Variants in AARS1 observed in about 807,000 individuals in gnomAD.
AARS1 encodes the protein alanine--tRNA ligase, cytoplasmic.
A neutral mutation model predicts 108.9 loss-of-function variants in AARS1; 72 were observed. The ratio of observed to expected loss-of-function variants is 0.66; its 90% CI spans 0.55 to 0.80. The LOEUF is 0.80. AARS1 is among the 30% of genes least tolerant of loss of function. AARS1 has a pLI of 0.00. For synonymous variants in AARS1, 489 were observed against 465.7 expected (o/e 1.05, Z -0.64); for missense variants, 1,193 against 1,233.2 (o/e 0.97, Z 0.49).
At chr16:70,279,670 C>CAAAAA (rs367753826) in intron 2 of AARS1, among the ~76,000 whole-genome samples, 1 of 114,582 alleles carries the variant, frequency 8.7e-6, no homozygotes, top group Non-Finnish European at 1.8e-5. Context: ...CAAAAAAAAA[C>CAAAAA]AAAAAAAAAA....
chr16:70,273,093 C>T (rs1479406778), intron 4 of AARS1, among the ~76,000 whole-genome samples: 3 of 151,716 alleles, frequency 2.0e-5, no homozygotes, highest in Non-Finnish European at 4.4e-5. Flanking sequence ...CAGAGTCAAC[C>T]GAATAGGAGT....
chr16:70,270,886 C>T (rs1487130976), intron 5 of AARS1, among the ~76,000 whole-genome samples: 3 of 137,114 alleles, frequency 2.2e-5, no homozygotes, highest in Non-Finnish European at 4.6e-5. Flanking sequence ...TGGTGGCTCA[C>T]GCCTGTAATA....
chr16:70,253,213 C>T (rs1193521389), intron 20 of AARS1, 55 bp downstream of exon 20: 1 of 1,451,880 alleles, frequency 6.9e-7, no homozygotes, highest in African/African-American at 1.4e-5. Flanking sequence ...ACACACAGGC[C>T]TCAGCCAACA....
At position 70,258,040 on chromosome 16, in the gene AARS1, C is replaced by T; in HGVS notation, c.2170G>A (p.Gly724Arg). The T allele has an allele frequency of 6.2e-7, 1 of 1,614,108 alleles. No individual in the cohort carries two copies. The highest frequency in any genetic ancestry group is 8.5e-7 in the Non-Finnish European group (1 of 1,180,018). Residue 724 changes from glycine (G) to arginine (R), a missense_variant, in exon 15 of 21, where the codon GGG (glycine) becomes AGG (arginine). Transcript: ENST00000261772. ...CCCCTCTGCAGTACTCACGTTCCCCCACAGAACTCAACAGAAGTCAGGGAG... is the reference window on the plus strand; with the variant it reads ...CCCCTCTGCAGTACTCACGTTCCCCTACAGAACTCAACAGAAGTCAGGGAG... ...AGSLTSVEFCGGTHLRNSSHA... is the reference protein window; with the variant it reads ...AGSLTSVEFCRGTHLRNSSHA...
chr16:70,271,738 T>C (rs775486583), intron 5 of AARS1, 43 bp downstream of exon 5: 20 of 1,601,102 alleles, frequency 1.2e-5, no homozygotes, highest in Non-Finnish European at 1.5e-5. Flanking sequence ...CCTCCTCCCC[T>C]GCTCAGCTCA....
Position 70,252,616 on chromosome 16 carries a change from G to C in AARS1, c.*105C>G. ...CCAAGTGTGTTCCAGTTACTGCTGG[G>C]TTAGGAGGGGCTCTTTAAAGGTCCC... is the stretch of plus-strand genomic sequence containing the variant. On this transcript the variant is annotated 3_prime_UTR_variant, in exon 21 of 21. Coordinates refer to ENST00000261772, the MANE Select transcript of AARS1 (RefSeq NM_001605.3). 1 of 1,312,094 alleles carries C rather than the reference G, an allele frequency of 7.6e-7. No individual in the cohort carries two copies. Among genetic ancestry groups the C allele is most frequent in the Non-Finnish European group, 1.1e-6 (1 of 918,764 alleles). The allele number at this position is 1,312,094 out of a possible 1,614,324, so 81.3% of individuals were successfully genotyped here.
chr16:70,266,340 T>TA (rs1960262493), intron 9 of AARS1, among the ~76,000 whole-genome samples: 1 of 124,924 alleles, frequency 8.0e-6, no homozygotes, highest in Non-Finnish European at 1.7e-5. Flanking sequence ...AAAAAATAAA[T>TA]AAAAAAATTG....
At position 70,253,265 on chromosome 16, in the gene AARS1, G is replaced by C. The variant is rs1318032456; in HGVS notation, c.2721+3C>G. ...CTTCCCACTGGTGCGAGGTGGTGCTGACCTGGGGAACTTGACACAGGCACG... is the reference window on the plus strand; with the variant it reads ...CTTCCCACTGGTGCGAGGTGGTGCTCACCTGGGGAACTTGACACAGGCACG... On this transcript the variant is annotated splice_donor_region_variant and intron_variant, in intron 20 of 20. Coordinates refer to ENST00000261772, the MANE Select transcript of AARS1 (RefSeq NM_001605.3). 1.2e-6 allele frequency: 2 copies of C among 1,607,628 alleles called. No individual in the cohort carries two copies. The highest frequency in any genetic ancestry group is 2.7e-5 in the African/African-American group (2 of 74,782).
intron 20 of AARS1, 57 bp from the exon 21 acceptor site, chr16:70,252,963 T>G (rs1420382629): frequency 4.5e-6 from 7 of 1,570,798 alleles, no homozygotes; most frequent in Admixed American, 3.3e-5. Context: ...GAGGGAGGAA[T>G]GCAGGGAAAG....
At chr16:70,262,570 C>T in intron 11 of AARS1, 46 bp from the exon 12 acceptor site, 2 of 1,556,182 alleles carry the variant, frequency 1.3e-6, no homozygotes, top group Non-Finnish European at 1.8e-6. Context: ...GGTCAATGAC[C>T]TTTTCACTCC....
rs748417640 is a variant in AARS1, at chr16:70,261,030, G to A, written c.1785+14C>T. On this transcript the variant is annotated intron_variant, in intron 13 of 20. Coordinates refer to ENST00000261772, the MANE Select transcript of AARS1 (RefSeq NM_001605.3). ...CTAACCAGATCCAATGGGGGCCACA[G>A]TAACCCAACTCACCTCATCAATAAA... is the stretch of plus-strand genomic sequence containing the variant. 6.3e-7 allele frequency: 1 copy of A among 1,596,934 alleles called. No homozygotes were observed. The highest frequency in any genetic ancestry group is 8.6e-7 in the Non-Finnish European group (1 of 1,164,850).
At chr16:70,265,861 CTGTTTTGTTT>C (rs973549881) in intron 9 of AARS1, among the ~76,000 whole-genome samples, 199 bp from the exon 10 acceptor site, 1 of 152,228 alleles carries the variant, frequency 6.6e-6, no homozygotes, top group Non-Finnish European at 1.5e-5. Context: ...TGATACAATT[CTGTTTTGTTT>C]TGTTTTGTTT....
intron 1 of AARS1, among the ~76,000 whole-genome samples, chr16:70,288,175 T>C (rs942409405): frequency 4.3e-5 from 6 of 138,060 alleles, no homozygotes; most frequent in African/African-American, 1.7e-4. Context: ...CGATCTCAGC[T>C]CACTGCAAGC....
In AARS1 at chr16:70,252,808, G is replaced by A; in HGVS notation, c.2820C>T (p.Ala940=). 1.2e-6 allele frequency: 2 copies of A among 1,614,172 alleles called. No individual in the cohort carries two copies. Among genetic ancestry groups the A allele is most frequent in the East Asian group, 2.2e-5 (1 of 44,886 alleles). ...GCAGGCAGCCAACGTTCTTGCCTGT[G>A]GCCTGTGCAGACACATCCTTGCCAC... The part of the protein sequence containing the change: ...KGGGKDVSAQ[A]TGKNVGCLQE... The change falls in exon 21 of 21, where the codon GCC becomes GCT. Residue 940 remains alanine (A), a synonymous_variant. Coordinates refer to ENST00000261772, the MANE Select transcript of AARS1 (RefSeq NM_001605.3).
intron 1 of AARS1, among the ~76,000 whole-genome samples, chr16:70,283,508 T>C (rs1439120430): frequency 6.6e-6 from 1 of 152,064 alleles, no homozygotes; most frequent in African/African-American, 2.4e-5. Flanking sequence ...GTTTGAGTTC[T>C]AGCTTCAAGT....
At chr16:70,257,913 C>T (rs190032705) in intron 15 of AARS1, 120 bp downstream of exon 15, 4 of 1,096,032 alleles carry the variant, frequency 3.6e-6, no homozygotes, top group East Asian at 2.5e-5. Flanking sequence ...TATTTAGCAA[C>T]GGCATTTCTG....
At chr16:70,262,091 C>G (rs1447656493) in intron 12 of AARS1, among the ~76,000 whole-genome samples, 2 of 152,168 alleles carry the variant, frequency 1.3e-5, no homozygotes, top group Non-Finnish European at 2.9e-5. Context: ...CTTCAGAGAG[C>G]TGCCTCTCCT....
chr16:70,264,051 G>A (rs1315890517), intron 11 of AARS1, among the ~76,000 whole-genome samples: 1 of 151,798 alleles, frequency 6.6e-6, no homozygotes. Context: ...TTTGAGACCT[G>A]CCTGGCAAAC....
chr16:70,282,816 A>C, intron 1 of AARS1, 32 bp from the exon 2 acceptor site: 1 of 1,601,958 alleles, frequency 6.2e-7, no homozygotes, highest in African/African-American at 1.3e-5. Context: ...AAGGAAAATT[A>C]AGGGAATTGA....
Sources: gnomAD v4.1 joint callset for allele counts (sites outside exome capture counted in the v4.1 genomes callset) on GRCh38, gnomAD v4.1.1 for gene constraint, MANE v1.5 for transcripts, NCBI Gene and HGNC (gene_info 2026-07-23, HGNC 2026-07-21) for gene names.